The following CCDC15 variants were observed in gnomAD, a reference collection of about 807,000 sequenced individuals.
CCDC15 encodes coiled-coil domain-containing protein 15.
CCDC15 carries 105 observed loss-of-function variants against 114.5 expected under a neutral mutation model. The observed-to-expected ratio is 0.92, with a 90% CI of 0.78 to 1.08. The LOEUF is 1.08. Ranked by LOEUF, CCDC15 falls within the 50% of genes least tolerant of loss-of-function variation. The pLI is 0.00. For synonymous variants in CCDC15, 334 were observed against 377.8 expected, an observed-to-expected ratio of 0.88 and a Z score of 1.34; for missense variants, 1,105 against 1,093.6, an observed-to-expected ratio of 1.01 and a Z score of -0.15.
rs761915234 is a variant in CCDC15, at chr11:124,959,166, C to G, written c.229C>G (p.Gln77Glu). The change falls in exon 3 of 16, where the codon CAA (glutamine) becomes GAA (glutamate). Residue 77 changes from glutamine (Q) to glutamate (E), a missense_variant. Transcript: ENST00000344762. ...EELKEQLRKK[Q>E]EALKHFQKQV... Reference sequence around the variant, plus strand: ...ACTAAAGGAACAGCTAAGAAAAAAACAAGAAGCTTTGAAACATTTTCAGAA... The same window carrying G: ...ACTAAAGGAACAGCTAAGAAAAAAAGAAGAAGCTTTGAAACATTTTCAGAA... The G allele has an allele frequency of 1.5e-5, 24 of 1,587,490 alleles. No individual in the cohort carries two copies. The highest frequency in any genetic ancestry group is 1.9e-5 in the Non-Finnish European group (22 of 1,168,438).
At position 124,987,242 on chromosome 11, in the gene CCDC15, C is replaced by G. The variant is rs1409004130; in HGVS notation, c.1016C>G (p.Ala339Gly). The G allele has an allele frequency of 6.4e-7, 1 of 1,567,822 alleles. No homozygotes were observed. The highest frequency in any genetic ancestry group is 8.6e-7 in the Non-Finnish European group (1 of 1,162,608). Reference sequence around the variant, plus strand: ...GAAGCCCAGGATTATTTTCTAGAAGCCCAAGGTGATTTGCTGGAAACCCAG... The same window carrying G: ...GAAGCCCAGGATTATTTTCTAGAAGGCCAAGGTGATTTGCTGGAAACCCAG... ...LPEAQDYFLE[A>G]QGDLLETQGD... Residue 339 changes from alanine to glycine, a missense_variant, in exon 8 of 16, where the codon GCC (alanine) becomes GGC (glycine). Transcript: ENST00000344762.
intron 12 of CCDC15, among the ~76,000 whole-genome samples, chr11:125,004,486 G>A (rs4612816): frequency 0.75 from 113,748 of 151,904 alleles, 42,823 homozygotes; most frequent in East Asian, 0.93. Flanking sequence ...TAGAACTTCA[G>A]TAATTTTTAC....
At chr11:124,961,522 G>T (rs558106459) in intron 4 of CCDC15, among the ~76,000 whole-genome samples, 31 of 152,270 alleles carry the variant, frequency 2.0e-4, no homozygotes, top group African/African-American at 6.7e-4. Context: ...AAATTCAAGA[G>T]AATTTGTTTT....
At chr11:125,030,695 G>A (rs1379179243) in intron 13 of CCDC15, among the ~76,000 whole-genome samples, 1 of 152,150 alleles carries the variant, frequency 6.6e-6, no homozygotes, top group Non-Finnish European at 1.5e-5. Context: ...GGCAAATTGG[G>A]CACTCAGCAG....
At chr11:125,025,738 C>T (rs938579279) in intron 13 of CCDC15, among the ~76,000 whole-genome samples, 2 of 151,766 alleles carry the variant, frequency 1.3e-5, no homozygotes, top group Non-Finnish European at 2.9e-5. Context: ...ATGTTAAGAA[C>T]TTTATTAATG....
chr11:124,959,408 T>C, intron 3 of CCDC15, 144 bp downstream of exon 3: 1 of 759,610 alleles, frequency 1.3e-6, no homozygotes, highest in Non-Finnish European at 1.9e-6. Flanking sequence ...TAAATTTTTT[T>C]TGTAGAGAAA....
At chr11:125,014,858 A>G (rs1948617994) in intron 13 of CCDC15, among the ~76,000 whole-genome samples, 1 of 152,194 alleles carries the variant, frequency 6.6e-6, no homozygotes, top group Non-Finnish European at 1.5e-5. Flanking sequence ...AAACATTTAT[A>G]AAAACACTGA....
Position 124,986,837 on chromosome 11 carries a change from C to T in CCDC15, c.849C>T (p.Asp283=). ...ATTTGTTTGGGAGAGGCCAGCAGGA[C>T]CAGCAGGCTATCCATTCTGAAGATA... is the stretch of plus-strand genomic sequence containing the variant. ...KEDLFGRGQQ[D]QQAIHSEDKN... The change falls in exon 7 of 16, where the codon GAC becomes GAT. Residue 283 remains aspartate, a synonymous_variant. Coordinates refer to ENST00000344762, the MANE Select transcript of CCDC15 (RefSeq NM_025004.3). 1.9e-6 allele frequency: 3 copies of T among 1,560,762 alleles called. No individual in the cohort carries two copies. The highest frequency in any genetic ancestry group is 1.7e-6 in the Non-Finnish European group (2 of 1,151,458).
At chr11:124,973,492 A>C (rs1947920362) in intron 4 of CCDC15, among the ~76,000 whole-genome samples, 1 of 151,984 alleles carries the variant, frequency 6.6e-6, no homozygotes, top group Non-Finnish European at 1.5e-5. Context: ...AGTATGTTTC[A>C]ATCTGATTTC....
intron 13 of CCDC15, among the ~76,000 whole-genome samples, chr11:125,006,000 A>C (rs1218775612): frequency 6.6e-6 from 1 of 152,182 alleles, no homozygotes; most frequent in Non-Finnish European, 1.5e-5. Flanking sequence ...AATATTTAGC[A>C]ATTATGAATA....
chr11:125,023,824 A>G (rs1229275413), intron 13 of CCDC15, among the ~76,000 whole-genome samples: 3 of 152,066 alleles, frequency 2.0e-5, no homozygotes, highest in Admixed American at 6.6e-5. Flanking sequence ...AAGTATGGCT[A>G]TAATGTGGAT....
chr11:124,959,019 G>T, intron 2 of CCDC15, 96 bp from the exon 3 acceptor site: 1 of 737,828 alleles, frequency 1.4e-6, no homozygotes, highest in Non-Finnish European at 2.0e-6. Flanking sequence ...TTTTTTTCAG[G>T]ATTGTATCCT....
In CCDC15 at chr11:124,987,465, A is replaced by G; in HGVS notation, c.1239A>G (p.Leu413=). Residue 413 remains leucine (L), a synonymous_variant, in exon 8 of 16, where the codon CTA becomes CTG. Coordinates refer to ENST00000344762, the MANE Select transcript of CCDC15 (RefSeq NM_025004.3). The part of the protein sequence containing the change: ...GSIVLKTQDF[L]PTNQALLTKN... ...TTGTGTTGAAAACCCAGGATTTTCT[A>G]CCCACAAATCAGGCTCTTCTAACGA... 1 of 1,614,012 alleles carries G rather than the reference A, an allele frequency of 6.2e-7. No individual in the cohort carries two copies. Among genetic ancestry groups the G allele is most frequent in the Non-Finnish European group, 8.5e-7 (1 of 1,179,896 alleles).
intron 4 of CCDC15, among the ~76,000 whole-genome samples, chr11:124,961,863 A>T (rs1947665802): frequency 6.6e-6 from 1 of 152,186 alleles, no homozygotes; most frequent in Admixed American, 6.6e-5. Flanking sequence ...AAACAAAAAA[A>T]AAGCCTAGAA....
rs781174963 is a variant in CCDC15, at chr11:124,975,166, C to A, written c.587C>A (p.Ser196Ter). The A allele has an allele frequency of 4.4e-6, 7 of 1,601,850 alleles. No individual in the cohort carries two copies. The South Asian group carries it at 7.9e-5, about 18-fold the overall frequency. ...AAAACCGTGATTAAAAAAAAGGGAT[C>A]AGTGTTTCCAGATGATGGAAGGAAA... The part of the protein sequence containing the change: ...SFKTVIKKKG[S>*]VFPDDGRKSF... The change falls in exon 5 of 16, where the codon TCA (serine) becomes TAA (stop). Residue 196 changes from serine (S) to a stop codon, truncating the protein, a stop_gained. Coordinates refer to ENST00000344762, the MANE Select transcript of CCDC15 (RefSeq NM_025004.3). LOFTEE classifies it high-confidence loss of function.
At chr11:124,956,764 C>T (rs1947558653) in intron 2 of CCDC15, among the ~76,000 whole-genome samples, 1 of 152,206 alleles carries the variant, frequency 6.6e-6, no homozygotes, top group South Asian at 2.1e-4. Flanking sequence ...TTTGATCAAG[C>T]ATCTAATAGA....
chr11:125,011,335 T>C (rs942838980), intron 13 of CCDC15, among the ~76,000 whole-genome samples: 1 of 151,822 alleles, frequency 6.6e-6, no homozygotes, highest in African/African-American at 2.4e-5. Flanking sequence ...CCTCCCGAGT[T>C]CAAGCGATTC....
At chr11:124,973,574 G>C (rs1947921756) in intron 4 of CCDC15, among the ~76,000 whole-genome samples, 2 of 151,954 alleles carry the variant, frequency 1.3e-5, no homozygotes, top group South Asian at 4.2e-4. Context: ...ATCTGGGCTG[G>C]TAGAGTAGAG....
intron 13 of CCDC15, among the ~76,000 whole-genome samples, chr11:125,017,714 GT>G (rs1229291389): frequency 3.9e-5 from 6 of 152,230 alleles, no homozygotes; most frequent in Middle Eastern, 3.4e-3. Flanking sequence ...CTCCATGAGT[GT>G]TATTGCCTCT....
Sources: allele counts gnomAD v4.1 joint callset (sites outside exome capture counted in the v4.1 genomes callset), GRCh38; gene constraint gnomAD v4.1.1; transcripts MANE v1.5; gene names NCBI Gene and HGNC (gene_info 2026-07-23, HGNC 2026-07-21).